The following GBF1 variants were observed in gnomAD, a reference collection of about 807,000 sequenced individuals.
The protein encoded by GBF1 is golgi brefeldin A resistant guanine nucleotide exchange factor 1, also known as Golgi-specific brefeldin A-resistance guanine nucleotide exchange factor 1.
A neutral mutation model predicts 210.5 loss-of-function variants in GBF1; 114 were observed. The observed-to-expected ratio is 0.54, with a 90% CI of 0.47 to 0.63. The LOEUF is 0.63. Ranked by LOEUF, GBF1 falls within the 30% of genes least tolerant of loss-of-function variation. GBF1 has a pLI of 0.00. For missense variants in GBF1, 1,851 were observed against 2,357.7 expected (o/e 0.79, Z 4.45); for synonymous variants, 850 against 889.2 (o/e 0.96, Z 0.78).
chr10:102,368,317 A>G lies in GBF1; in HGVS notation c.2742A>G (p.Ile914Met), dbSNP rs756072497. Reference sequence around the variant, plus strand: ...ATCGAGGTGCCACCCCTGAGGGCATATTCCTGCGTGTGCCTACTGCCAGCT... The same window carrying G: ...ATCGAGGTGCCACCCCTGAGGGCATGTTCCTGCGTGTGCCTACTGCCAGCT... The part of the protein sequence containing the change: ...LLHRGATPEG[I>M]FLRVPTASYD... The change falls in exon 22 of 40, where the codon ATA becomes ATG. Residue 914 changes from isoleucine (I) to methionine (M), a missense_variant. Ile to Met is a conservative substitution (Grantham distance 10, BLOSUM62 1). This residue lies in a region of GBF1 where 967 missense variants were observed against 1,247.7 expected (regional missense o/e 0.78). Coordinates refer to ENST00000369983, the MANE Select transcript of GBF1 (RefSeq NM_001377137.1). The G allele has an allele frequency of 1.2e-6, 2 of 1,613,806 alleles. No individual in the cohort carries two copies. Among genetic ancestry groups the G allele is most frequent in the African/African-American group, 2.7e-5 (2 of 74,924 alleles).
chr10:102,279,888 G>T (rs958424354), intron 3 of GBF1, among the ~76,000 whole-genome samples: 1 of 152,182 alleles, frequency 6.6e-6, no homozygotes, highest in Non-Finnish European at 1.5e-5. Flanking sequence ...GGAGGGCGAC[G>T]CAAGAGGATT....
At position 102,359,376 on chromosome 10, in the gene GBF1, A is replaced by C; in HGVS notation, c.1121A>C (p.His374Pro). ...GACCACTCTGACTCTGCCTCTGTCC[A>C]TGACATGGATTACGTCAATCCCCGG... Reference protein sequence around the residue: ...PADHSDSASVHDMDYVNPRGV... With the variant: ...PADHSDSASVPDMDYVNPRGV... The change falls in exon 11 of 40, where the codon CAT becomes CCT. Residue 374 changes from histidine (H) to proline (P), a missense_variant. Physicochemically the swap from His to Pro is moderately conservative, Grantham distance 77. Around this residue, in one of 3 missense-constraint regions of GBF1, gnomAD observed 804 missense variants for 958.6 expected, o/e 0.84. Coordinates refer to ENST00000369983, the MANE Select transcript of GBF1 (RefSeq NM_001377137.1). The C allele has an allele frequency of 6.2e-7, 1 of 1,613,784 alleles. No individual in the cohort carries two copies. The highest frequency in any genetic ancestry group is 1.3e-5 in the African/African-American group (1 of 75,008).
At chr10:102,356,365 A>G (rs1426658657) in intron 8 of GBF1, among the ~76,000 whole-genome samples, 2 of 152,202 alleles carry the variant, frequency 1.3e-5, no homozygotes, top group Non-Finnish European at 2.9e-5. Flanking sequence ...CCATTGCCCA[A>G]TCCAGGAATG....
intron 3 of GBF1, among the ~76,000 whole-genome samples, chr10:102,314,998 T>C (rs2078809693): frequency 1.3e-5 from 2 of 152,152 alleles, no homozygotes; most frequent in Admixed American, 1.3e-4. Context: ...AGATGTTACT[T>C]CTCTAAACTC....
chr10:102,258,373 C>G (rs1369965824), intron 1 of GBF1, among the ~76,000 whole-genome samples: 2 of 148,932 alleles, frequency 1.3e-5, no homozygotes, highest in Non-Finnish European at 3.0e-5. Context: ...TCAGGCTGGT[C>G]TTGAGCTCCC....
At chr10:102,237,277 T>C in the GBF1 span, among the ~76,000 whole-genome samples, 2 of 152,014 alleles carry the variant, frequency 1.3e-5, no homozygotes, top group African/African-American at 4.8e-5. Flanking sequence ...GTACCGAGTG[T>C]TGGGAGCTCA....
chr10:102,261,447 G>C (rs1189414985), intron 3 of GBF1, among the ~76,000 whole-genome samples: 2 of 152,070 alleles, frequency 1.3e-5, no homozygotes, highest in African/African-American at 4.8e-5. Flanking sequence ...ACATATGTCA[G>C]ACTGTAATTG....
At chr10:102,253,728 G>A (rs1018274553) in intron 1 of GBF1, among the ~76,000 whole-genome samples, 2 of 152,134 alleles carry the variant, frequency 1.3e-5, no homozygotes, top group African/African-American at 4.8e-5. Flanking sequence ...TGCCCAGGCT[G>A]TTCTCAAACT....
intron 1 of GBF1, among the ~76,000 whole-genome samples, chr10:102,257,023 G>A (rs979339791): frequency 1.3e-5 from 2 of 152,126 alleles, no homozygotes; most frequent in Non-Finnish European, 2.9e-5. Context: ...GGGTGACAGA[G>A]TGAGACCTTG....
At chr10:102,324,831 G>A (rs2056757398) in intron 3 of GBF1, among the ~76,000 whole-genome samples, 1 of 152,086 alleles carries the variant, frequency 6.6e-6, no homozygotes, top group Admixed American at 6.5e-5. Flanking sequence ...CAAGTGATCT[G>A]CCTACCTCTG....
upstream of GBF1, among the ~76,000 whole-genome samples, chr10:102,241,779 G>A (rs893142276): frequency 1.3e-5 from 2 of 152,240 alleles, no homozygotes; most frequent in Non-Finnish European, 2.9e-5. This position sits in a 1 kb window ranked among gnomAD's most constrained non-coding sequence, Gnocchi z 6.7. Context: ...CGGCTAGGAC[G>A]CTTAGGCAGA....
chr10:102,344,772 G>A (rs1372663891), intron 4 of GBF1, among the ~76,000 whole-genome samples: 1 of 152,096 alleles, frequency 6.6e-6, no homozygotes, highest in Non-Finnish European at 1.5e-5. Flanking sequence ...GAGCCACTGT[G>A]CCTGGCCTGG....
intron 3 of GBF1, among the ~76,000 whole-genome samples, chr10:102,267,311 C>A (rs2073959120): frequency 6.6e-6 from 1 of 152,154 alleles, no homozygotes; most frequent in African/African-American, 2.4e-5. Context: ...TCGAGACCAG[C>A]CTGGCCAACA....
chr10:102,300,973 TTTC>T (rs1298753885), intron 3 of GBF1, among the ~76,000 whole-genome samples: 2 of 80,266 alleles, frequency 2.5e-5, no homozygotes, highest in African/African-American at 1.2e-4. Context: ...AGTATTTTCT[TTTC>T]TTTTTTTTTT....
intron 3 of GBF1, among the ~76,000 whole-genome samples, chr10:102,261,855 C>T (rs2073277433): frequency 6.6e-6 from 1 of 152,076 alleles, no homozygotes; most frequent in East Asian, 1.9e-4. Context: ...CTCCTGACCT[C>T]AGATGATCCA....
At chr10:102,303,458 G>A (rs183211462) in intron 3 of GBF1, among the ~76,000 whole-genome samples, 2 of 152,292 alleles carry the variant, frequency 1.3e-5, no homozygotes, top group East Asian at 3.9e-4. Context: ...GCTAATGTCT[G>A]TACCTATTTC....
chr10:102,288,570 G>A (rs1389885565), intron 3 of GBF1, among the ~76,000 whole-genome samples: 1 of 151,738 alleles, frequency 6.6e-6, no homozygotes, highest in Non-Finnish European at 1.5e-5. Flanking sequence ...AATTAGCCGG[G>A]CGCGGTGGCG....
chr10:102,351,262 C>G lies in GBF1; in HGVS notation c.302C>G (p.Thr101Ser). ...TCCTTTTTCGCTGGAGCAGATCCCA[C>G]CCATGAGGGCACAGCAGAGGGCATG... is the stretch of plus-strand genomic sequence containing the variant. ...KFLSYALIDPTHEGTAEGMEN... is the reference protein window; with the variant it reads ...KFLSYALIDPSHEGTAEGMEN... Residue 101 changes from threonine (T) to serine (S), a missense_variant, in exon 5 of 40, where the codon ACC becomes AGC. This residue lies in a region of GBF1 where 804 missense variants were observed against 958.6 expected (regional missense o/e 0.84). Coordinates refer to ENST00000369983, the MANE Select transcript of GBF1 (RefSeq NM_001377137.1). 6.4e-7 allele frequency: 1 copy of G among 1,573,132 alleles called. No individual in the cohort carries two copies. The highest frequency in any genetic ancestry group is 1.1e-5 in the South Asian group (1 of 90,246).
intron 3 of GBF1, among the ~76,000 whole-genome samples, chr10:102,289,585 T>C (rs2076268874): frequency 2.6e-5 from 4 of 152,170 alleles, no homozygotes. Flanking sequence ...CCAGAGCATC[T>C]TTGGCTTCCT....
Sources: allele counts gnomAD v4.1 joint callset (sites outside exome capture counted in the v4.1 genomes callset), GRCh38; gene constraint gnomAD v4.1.1; regional missense constraint gnomAD v4.1.1; non-coding constraint Gnocchi (gnomAD v3.1); transcripts MANE v1.5; gene names NCBI Gene and HGNC (gene_info 2026-07-23, HGNC 2026-07-21).